PRIM2: variants seen among roughly 807,000 people sequenced by gnomAD.
The protein encoded by PRIM2 is DNA primase subunit 2, also known as DNA primase large subunit.
A neutral mutation model predicts 67.3 loss-of-function variants in PRIM2; 39 were observed. That is an observed-to-expected ratio of 0.58 (90% CI 0.45 to 0.76). The LOEUF (loss-of-function observed/expected upper bound fraction) is 0.76. Ranked by LOEUF, PRIM2 falls within the 30% of genes least tolerant of loss-of-function variation. The probability of loss-of-function intolerance (pLI) is 0.00; values close to 1 mark genes in which losing one functional copy is unlikely to be tolerated. For synonymous variants in PRIM2, 143 were observed against 198.7 expected, an observed-to-expected ratio of 0.72 and a Z score of 2.36; for missense variants, 398 against 598.7, an observed-to-expected ratio of 0.66 and a Z score of 3.50.
At chr6:57,399,448 C>T (rs1770632125) in intron 7 of PRIM2, among the ~76,000 whole-genome samples, 1 of 152,142 alleles carries the variant, frequency 6.6e-6, no homozygotes, top group South Asian at 2.1e-4. Flanking sequence ...CATTGATGGA[C>T]ATTTGGGTTG....
At chr6:57,273,815 T>C in the PRIM2 span, among the ~76,000 whole-genome samples, 2 of 152,300 alleles carry the variant, frequency 1.3e-5, no homozygotes, top group East Asian at 3.9e-4. Flanking sequence ...GGTGTGGATG[T>C]CCTTCCCGTT....
intron 10 of PRIM2, among the ~76,000 whole-genome samples, chr6:57,572,646 G>A (rs1423720046): frequency 3.3e-5 from 5 of 152,140 alleles, no homozygotes; most frequent in Admixed American, 2.6e-4. Context: ...AGCACAGTGG[G>A]CATAAGGCAG....
intron 10 of PRIM2, among the ~76,000 whole-genome samples, chr6:57,552,091 A>G (rs1452111903): frequency 6.6e-6 from 1 of 152,108 alleles, no homozygotes; most frequent in African/African-American, 2.4e-5. Context: ...ATGCAGCCAG[A>G]TTTAGCTAAA....
intron 10 of PRIM2, among the ~76,000 whole-genome samples, chr6:57,547,509 A>G (rs1775312853): frequency 6.6e-6 from 1 of 152,186 alleles, no homozygotes; most frequent in African/African-American, 2.4e-5. Flanking sequence ...TATGAATACC[A>G]TGAAAATATT....
intron 5 of PRIM2, among the ~76,000 whole-genome samples, chr6:57,350,757 A>G (rs560386794): frequency 1.8e-4 from 27 of 152,188 alleles, no homozygotes; most frequent in African/African-American, 5.8e-4. Flanking sequence ...ACATAGGCCC[A>G]TCATCTCATT....
At chr6:57,618,955 A>G (rs1167481700) in intron 12 of PRIM2, among the ~76,000 whole-genome samples, 1 of 152,240 alleles carries the variant, frequency 6.6e-6, no homozygotes, top group Non-Finnish European at 1.5e-5. Context: ...ACCTCTTGGC[A>G]GGAGGCCAAC....
At chr6:57,351,795 A>T (rs1289435938) in intron 5 of PRIM2, among the ~76,000 whole-genome samples, 19 of 152,114 alleles carry the variant, frequency 1.2e-4, no homozygotes, top group Non-Finnish European at 4.4e-5. Context: ...TATAATCACA[A>T]TATCACAGAA....
At chr6:57,272,152 T>G in the PRIM2 span, among the ~76,000 whole-genome samples, 2 of 152,202 alleles carry the variant, frequency 1.3e-5, no homozygotes, top group African/African-American at 2.4e-5. Flanking sequence ...GTCAGCTTGG[T>G]GCAGAGTTGA....
At chr6:57,486,698 G>A (rs1255684957) in intron 7 of PRIM2, among the ~76,000 whole-genome samples, 2 of 152,160 alleles carry the variant, frequency 1.3e-5, no homozygotes, top group Admixed American at 6.5e-5. Context: ...GTCATATTTC[G>A]CATTAAACGA....
At chr6:57,527,882 A>C (rs1774793629) in intron 8 of PRIM2, among the ~76,000 whole-genome samples, 1 of 152,060 alleles carries the variant, frequency 6.6e-6, no homozygotes, top group Non-Finnish European at 1.5e-5. Context: ...TATCATATTC[A>C]TCCCCACCCC....
At chr6:57,532,756 C>T (rs2127468475) in intron 9 of PRIM2, among the ~76,000 whole-genome samples, 1 of 152,204 alleles carries the variant, frequency 6.6e-6, no homozygotes, top group South Asian at 2.1e-4. Context: ...TTTGTGTTTA[C>T]ATTTAAATAG....
rs1768993878 is a variant in PRIM2 at position 57,355,289 on chromosome 6, G to A, written c.460-24612G>A. 2.8e-5 allele frequency among the ~76,000 whole-genome samples: 4 copies of A among 142,068 alleles called. No individual in the cohort carries two copies. In the South Asian group the frequency reaches 8.7e-4, roughly 31 times the overall value. 93.2% of individuals were successfully genotyped at this position (142,068 alleles called of 152,430 possible). On this transcript the variant is annotated intron_variant, in intron 5 of 13. Transcript: ENST00000615550. ...ACTGCACTCCAGCCTGGGTAACAGC[G>A]AGACTCTGTCTCAAAAAAAAAAAAA...
chr6:57,639,514 CAAAG>C (rs1777187768), intron 13 of PRIM2, among the ~76,000 whole-genome samples: 1 of 150,914 alleles, frequency 6.6e-6, no homozygotes, highest in Non-Finnish European at 1.5e-5. Flanking sequence ...GCAAGACTAA[CAAAG>C]AAGAAAAGAG....
chr6:57,311,461 C>T (rs1327722394), upstream of PRIM2, among the ~76,000 whole-genome samples: 3 of 149,398 alleles, frequency 2.0e-5, no homozygotes, highest in Non-Finnish European at 4.5e-5. Flanking sequence ...TCCTCACTTC[C>T]TCCCAGACTG....
At chr6:57,583,782 A>G (rs1374651247) in intron 10 of PRIM2, among the ~76,000 whole-genome samples, 26 of 152,396 alleles carry the variant, frequency 1.7e-4, no homozygotes, top group African/African-American at 6.3e-4. Flanking sequence ...ACTAGTTTAC[A>G]GTCCCATGAA....
At chr6:57,271,109 A>G in the PRIM2 span, among the ~76,000 whole-genome samples, 1 of 152,016 alleles carries the variant, frequency 6.6e-6, no homozygotes, top group Non-Finnish European at 1.5e-5. Flanking sequence ...TTTGTCTCTG[A>G]CAGGCTTTGG....
the PRIM2 span, among the ~76,000 whole-genome samples, chr6:57,261,047 A>G: frequency 6.6e-6 from 1 of 152,190 alleles, no homozygotes; most frequent in Non-Finnish European, 1.5e-5. Flanking sequence ...TTCCATATTT[A>G]TGATATGCAA....
At chr6:57,460,489 T>C (rs1248283718) in intron 7 of PRIM2, among the ~76,000 whole-genome samples, 1 of 152,168 alleles carries the variant, frequency 6.6e-6, no homozygotes, top group African/African-American at 2.4e-5. Context: ...GCTCGTAAGT[T>C]CTGTCTTTAG....
intron 12 of PRIM2, among the ~76,000 whole-genome samples, chr6:57,613,044 C>T (rs1776694552): frequency 6.6e-6 from 1 of 152,026 alleles, no homozygotes. Context: ...GTCCTGTCAC[C>T]TTGGCCTCCC....
Sources: gnomAD v4.1 joint callset for allele counts (sites outside exome capture counted in the v4.1 genomes callset) on GRCh38, gnomAD v4.1.1 for gene constraint, MANE v1.5 for transcripts, NCBI Gene and HGNC (gene_info 2026-07-23, HGNC 2026-07-21) for gene names.